EEF1E1: variants seen among roughly 807,000 people sequenced by gnomAD.
EEF1E1 encodes the protein eukaryotic translation elongation factor 1 epsilon-1.
EEF1E1 carries 19 observed loss-of-function variants against 19.9 expected under a neutral mutation model. That is an observed-to-expected ratio of 0.95 (90% CI 0.66 to 1.40). The LOEUF (loss-of-function observed/expected upper bound fraction) is 1.40, where lower values mean the gene tolerates loss of function less well. Ranked by LOEUF, EEF1E1 falls within the 40% of genes most tolerant of loss-of-function variation. The pLI is 0.00. For missense variants in EEF1E1, 198 were observed against 202.2 expected, an observed-to-expected ratio of 0.98 and a Z score of 0.13; for synonymous variants, 81 against 80.0, an observed-to-expected ratio of 1.01 and a Z score of -0.07.
At chr6:8,088,629 C>G (rs563667642) in intron 3 of EEF1E1, among the ~76,000 whole-genome samples, 1 of 152,338 alleles carries the variant, frequency 6.6e-6, no homozygotes, top group African/African-American at 2.4e-5. Flanking sequence ...TCCCCAGCCA[C>G]TGTTAAGTCC....
intron 3 of EEF1E1, among the ~76,000 whole-genome samples, chr6:8,089,125 G>A (rs1365301017): frequency 2.0e-5 from 3 of 152,152 alleles, no homozygotes; most frequent in African/African-American, 7.2e-5. Flanking sequence ...CAGGGAAAGG[G>A]TGGTGACTGT....
chr6:8,076,926 ATTTT>A (rs750029678), downstream of EEF1E1, among the ~76,000 whole-genome samples: 1 of 142,584 alleles, frequency 7.0e-6, no homozygotes, highest in Non-Finnish European at 1.5e-5. Flanking sequence ...ATGTAGCATG[ATTTT>A]TTTTGTTTTT....
intron 2 of EEF1E1, among the ~76,000 whole-genome samples, chr6:8,095,211 A>G (rs1385760972): frequency 6.6e-6 from 1 of 152,166 alleles, no homozygotes; most frequent in Non-Finnish European, 1.5e-5. Context: ...ACAAAAAAAC[A>G]GTTTACTGGC....
intron 2 of EEF1E1, among the ~76,000 whole-genome samples, chr6:8,095,067 A>T (rs542395350): frequency 1.3e-5 from 2 of 152,326 alleles, no homozygotes; most frequent in African/African-American, 4.8e-5. Context: ...TGGATTTTCA[A>T]CTGCTCAGGG....
chr6:8,081,493 A>G (rs1186622040), intron 3 of EEF1E1, among the ~76,000 whole-genome samples: 1 of 152,198 alleles, frequency 6.6e-6, no homozygotes. Context: ...AGGAGCATCT[A>G]CCTGTCAGGT....
At chr6:8,089,455 GA>G (rs1185838317) in intron 3 of EEF1E1, among the ~76,000 whole-genome samples, 1 of 152,210 alleles carries the variant, frequency 6.6e-6, no homozygotes, top group African/African-American at 2.4e-5. Flanking sequence ...TTCCAAAACT[GA>G]AGAACTTGGG....
downstream of EEF1E1, among the ~76,000 whole-genome samples, chr6:8,075,513 CAACAGCATTATGTCTAAA>C (rs1757568478): frequency 6.6e-6 from 1 of 152,098 alleles, no homozygotes; most frequent in Admixed American, 6.5e-5. Context: ...ATTCGGTGTA[CAACAGCATTATGTCTAAA>C]ACCACAATGT....
chr6:8,084,580 A>T (rs770394569), intron 3 of EEF1E1, among the ~76,000 whole-genome samples: 6 of 152,256 alleles, frequency 3.9e-5, no homozygotes, highest in Non-Finnish European at 7.3e-5. Context: ...CCGATGCTAC[A>T]GCAAGCAAGA....
At chr6:8,095,809 A>C (rs1758157322) in intron 2 of EEF1E1, among the ~76,000 whole-genome samples, 2 of 152,182 alleles carry the variant, frequency 1.3e-5, no homozygotes, top group South Asian at 4.1e-4. Flanking sequence ...AAACAAAACA[A>C]ATCAACCCTT....
At chr6:8,094,024 C>T (rs1428957798) in intron 2 of EEF1E1, among the ~76,000 whole-genome samples, 1 of 152,076 alleles carries the variant, frequency 6.6e-6, no homozygotes, top group Non-Finnish European at 1.5e-5. Context: ...ATCTCGGACT[C>T]CTAACCTCAA....
At chr6:8,082,364 AC>A (rs1206518622) in intron 3 of EEF1E1, among the ~76,000 whole-genome samples, 3 of 152,148 alleles carry the variant, frequency 2.0e-5, no homozygotes, top group African/African-American at 7.2e-5. Context: ...TGCAACCTCC[AC>A]TTCCTGGGTT....
intron 3 of EEF1E1, among the ~76,000 whole-genome samples, chr6:8,086,203 T>C (rs1757848969): frequency 6.6e-6 from 1 of 152,132 alleles, no homozygotes; most frequent in Admixed American, 6.6e-5. Flanking sequence ...TCCTGCATTA[T>C]TACGGTACGT....
intron 3 of EEF1E1, among the ~76,000 whole-genome samples, chr6:8,087,153 T>C (rs1757880872): frequency 6.6e-6 from 1 of 152,108 alleles, no homozygotes; most frequent in South Asian, 2.1e-4. Context: ...CAGCCCAGCA[T>C]ACAGCAGGCT....
chr6:8,097,163 GA>G (rs1758198877), intron 2 of EEF1E1, 103 bp downstream of exon 2: 2 of 1,104,814 alleles, frequency 1.8e-6, no homozygotes, highest in African/African-American at 3.1e-5. Context: ...GAGGCAGAAG[GA>G]AAGAGGTGAA....
At chr6:8,088,266 G>A (rs1196500707) in intron 3 of EEF1E1, among the ~76,000 whole-genome samples, 8 of 152,148 alleles carry the variant, frequency 5.3e-5, no homozygotes, top group Non-Finnish European at 1.0e-4. Context: ...GGAAAAAAAA[G>A]GAAATACAAT....
At chr6:8,085,135 G>A (rs868810611) in intron 3 of EEF1E1, among the ~76,000 whole-genome samples, 1 of 152,058 alleles carries the variant, frequency 6.6e-6, no homozygotes, top group East Asian at 1.9e-4. Context: ...ATAGGTACCA[G>A]TTGTTAAATA....
chr6:8,078,867 T>C (rs1258597720), downstream of EEF1E1: 5 of 1,086,114 alleles, frequency 4.6e-6, no homozygotes, highest in Admixed American at 1.4e-4. Context: ...TAAGAAAATA[T>C]GATTGACTGC....
At position 8,079,711 on chromosome 6, in the gene EEF1E1, T is replaced by C. The variant is rs756335706; in HGVS notation, c.*179A>G. 7.0e-5 allele frequency: 89 copies of C among 1,274,406 alleles called. No homozygotes were observed. Among genetic ancestry groups the C allele is most frequent in the Non-Finnish European group, 8.2e-5 (83 of 1,007,762 alleles). The allele number at this position is 1,274,406 out of a possible 1,614,324, so 78.9% of individuals were successfully genotyped here. ...AGCAATTGAATTTTGACATAAAAATTGCAAAACTTCAGCTAAAGAACAAAT... is the reference window on the plus strand; with the variant it reads ...AGCAATTGAATTTTGACATAAAAATCGCAAAACTTCAGCTAAAGAACAAAT... On this transcript the variant is annotated 3_prime_UTR_variant, in exon 4 of 4. Coordinates refer to ENST00000379715, the MANE Select transcript of EEF1E1 (RefSeq NM_004280.5).
intron 1 of EEF1E1, chr6:8,101,838 C>T (rs542460591): frequency 7.8e-7 from 1 of 1,288,938 alleles, no homozygotes; most frequent in South Asian, 1.2e-5. Flanking sequence ...AAACGCCTTC[C>T]CCGAATCCCC....
Sources: gnomAD v4.1 joint callset for allele counts (sites outside exome capture counted in the v4.1 genomes callset) on GRCh38, gnomAD v4.1.1 for gene constraint, MANE v1.5 for transcripts, NCBI Gene and HGNC (gene_info 2026-07-23, HGNC 2026-07-21) for gene names.